Variants in SUGCT observed in about 807,000 individuals in gnomAD.
The protein encoded by SUGCT is succinyl-CoA:glutarate CoA-transferase.
In SUGCT, 41 loss-of-function variants were observed where a neutral mutation model predicts 55.0. That is an observed-to-expected ratio of 0.74 (90% CI 0.58 to 0.97). SUGCT has a LOEUF of 0.97. Among genes scored for constraint, SUGCT ranks in the 50% least tolerant of loss-of-function variants. SUGCT has a pLI of 0.00. For missense variants in SUGCT, 568 were observed against 547.8 expected (o/e 1.04, Z -0.37); for synonymous variants, 187 against 200.4 (o/e 0.93, Z 0.56).
intron 9 of SUGCT, among the ~76,000 whole-genome samples, chr7:40,437,200 T>A (rs1788226915): frequency 6.6e-6 from 1 of 152,178 alleles, no homozygotes; most frequent in African/African-American, 2.4e-5. Flanking sequence ...ATGAGGCAGT[T>A]GCCCATTTCC....
intron 13 of SUGCT, among the ~76,000 whole-genome samples, chr7:40,799,501 G>T (rs1313316827): frequency 1.3e-5 from 2 of 152,146 alleles, no homozygotes; most frequent in Non-Finnish European, 2.9e-5. Flanking sequence ...ACAAGGGTTG[G>T]TTGATGGTTG....
At chr7:40,809,913 C>A (rs1227515049) in intron 13 of SUGCT, among the ~76,000 whole-genome samples, 1 of 152,118 alleles carries the variant, frequency 6.6e-6, no homozygotes, top group East Asian at 1.9e-4. Context: ...ATTTGCCTAG[C>A]ATAATAGCCT....
chr7:40,624,805 ACACACACG>A (rs748109982), intron 12 of SUGCT, among the ~76,000 whole-genome samples: 5,242 of 144,318 alleles, frequency 0.036, 100 homozygotes, highest in Middle Eastern at 0.051. Flanking sequence ...ACACACACAC[ACACACACG>A]CACACCACAA....
At chr7:41,012,763 CTAAA>C in the SUGCT span, among the ~76,000 whole-genome samples, 1 of 146,178 alleles carries the variant, frequency 6.8e-6, no homozygotes, top group Non-Finnish European at 1.5e-5. Flanking sequence ...TCCAGAGAAA[CTAAA>C]AAAAAAAATT....
chr7:40,897,451 ACAC>A, the SUGCT span, among the ~76,000 whole-genome samples: 13 of 152,070 alleles, frequency 8.5e-5, no homozygotes, highest in Non-Finnish European at 1.8e-4. Context: ...ACACACACAC[ACAC>A]ACACACACAT....
chr7:40,170,982 C>T (rs1784643263), intron 1 of SUGCT, among the ~76,000 whole-genome samples: 1 of 152,106 alleles, frequency 6.6e-6, no homozygotes, highest in Admixed American at 6.6e-5. Flanking sequence ...GGCTGGGTTC[C>T]TGAATATTTC....
chr7:40,955,161 C>A, the SUGCT span, among the ~76,000 whole-genome samples: 1 of 152,086 alleles, frequency 6.6e-6, no homozygotes, highest in Non-Finnish European at 1.5e-5. Context: ...GTAGTTTTTT[C>A]TAATTCTGTG....
the SUGCT span, among the ~76,000 whole-genome samples, chr7:40,869,480 T>C: frequency 3.9e-5 from 6 of 152,178 alleles, no homozygotes; most frequent in Non-Finnish European, 5.9e-5. Context: ...AGTGGATCCA[T>C]TTCCAGAGCT....
intron 9 of SUGCT, among the ~76,000 whole-genome samples, chr7:40,400,271 A>C (rs2151320147): frequency 6.6e-6 from 1 of 152,234 alleles, no homozygotes; most frequent in South Asian, 2.1e-4. Context: ...TAAAGGAATA[A>C]GTGAGGCTAG....
At chr7:40,218,979 C>G (rs1158270584) in intron 6 of SUGCT, among the ~76,000 whole-genome samples, 1 of 152,126 alleles carries the variant, frequency 6.6e-6, no homozygotes, top group African/African-American at 2.4e-5. Context: ...TTCTTTCGCT[C>G]CTTGCAATAA....
At chr7:40,878,459 G>T in the SUGCT span, among the ~76,000 whole-genome samples, 1 of 152,148 alleles carries the variant, frequency 6.6e-6, no homozygotes, top group Non-Finnish European at 1.5e-5. Flanking sequence ...CTTCACTTTA[G>T]GGTGAAAACA....
chr7:40,720,110 A>G (rs1374880046), intron 12 of SUGCT, among the ~76,000 whole-genome samples: 1 of 152,176 alleles, frequency 6.6e-6, no homozygotes, highest in Admixed American at 6.5e-5. Context: ...TTCTGGTACA[A>G]GTCATAAACC....
chr7:40,140,849 C>T (rs12535524), intron 1 of SUGCT, among the ~76,000 whole-genome samples: 59,068 of 152,010 alleles, frequency 0.39, 12,930 homozygotes, highest in Middle Eastern at 0.6. Flanking sequence ...TTTTTAGTTC[C>T]ATATGAACTT....
intron 12 of SUGCT, among the ~76,000 whole-genome samples, chr7:40,737,839 G>T (rs1213645366): frequency 6.6e-6 from 1 of 151,938 alleles, no homozygotes; most frequent in Non-Finnish European, 1.5e-5. Flanking sequence ...CAGGAGAATC[G>T]CTATAACCCA....
chr7:40,644,742 G>A (rs368596120), intron 12 of SUGCT, among the ~76,000 whole-genome samples: 31 of 152,142 alleles, frequency 2.0e-4, no homozygotes, highest in African/African-American at 6.8e-4. Flanking sequence ...TGTGCAGGAG[G>A]AAGCTCCTGT....
intron 13 of SUGCT, among the ~76,000 whole-genome samples, chr7:40,840,623 A>G (rs535823750): frequency 6.6e-6 from 1 of 152,142 alleles, no homozygotes; most frequent in South Asian, 2.1e-4. Flanking sequence ...TCTCAAATCA[A>G]TCATCTAAGT....
At chr7:40,909,481 A>T in the SUGCT span, among the ~76,000 whole-genome samples, 2 of 152,302 alleles carry the variant, frequency 1.3e-5, no homozygotes, top group Middle Eastern at 3.4e-3. Context: ...GACAGTCAAA[A>T]TTGGTTGCTA....
intron 12 of SUGCT, among the ~76,000 whole-genome samples, chr7:40,739,433 C>T (rs1252615380): frequency 6.6e-6 from 1 of 152,132 alleles, no homozygotes; most frequent in Non-Finnish European, 1.5e-5. Context: ...TAGTTTGTTC[C>T]TTTTCATTGC....
intron 7 of SUGCT, among the ~76,000 whole-genome samples, chr7:40,245,268 A>G (rs1273076170): frequency 6.7e-6 from 1 of 148,880 alleles, no homozygotes; most frequent in Non-Finnish European, 1.5e-5. Context: ...CGTGTTGGCC[A>G]GGCTGGTTTC....
Sources: gnomAD v4.1 joint callset for allele counts (sites outside exome capture counted in the v4.1 genomes callset) on GRCh38, gnomAD v4.1.1 for gene constraint, MANE v1.5 for transcripts, NCBI Gene and HGNC (gene_info 2026-07-23, HGNC 2026-07-21) for gene names.